RELL1: variants seen among roughly 807,000 people sequenced by gnomAD.
The protein encoded by RELL1 is RELT-like protein 1.
RELL1 carries 10 observed loss-of-function variants against 23.0 expected under a neutral mutation model. The observed-to-expected ratio is 0.43, with a 90% CI of 0.27 to 0.74. RELL1 has a LOEUF of 0.74. Ranked by LOEUF, RELL1 falls within the 30% of genes least tolerant of loss-of-function variation. The probability of loss-of-function intolerance (pLI) is 0.19; values close to 1 mark genes in which losing one functional copy is unlikely to be tolerated. For synonymous variants in RELL1, 146 were observed against 146.8 expected (o/e 0.99, Z 0.04); for missense variants, 315 against 364.4 (o/e 0.86, Z 1.10).
chr4:37,590,898 A>AGATGGG (rs1718572437), exon 7 of RELL1: 2 of 1,614,148 alleles, frequency 1.2e-6, no homozygotes. Context: ...GCTCCGATGG[A>AGATGGG]GATGGGGATG....
chr4:37,595,027 AC>A (rs1287824330), intron 6 of RELL1, among the ~76,000 whole-genome samples: 1 of 152,188 alleles, frequency 6.6e-6, no homozygotes, highest in African/African-American at 2.4e-5. Flanking sequence ...TATGACGAAA[AC>A]GTAGAAATTA....
chr4:37,652,411 C>T (rs1425426596), intron 1 of RELL1, among the ~76,000 whole-genome samples: 1 of 152,128 alleles, frequency 6.6e-6, no homozygotes, highest in East Asian at 1.9e-4. Flanking sequence ...AACCTCATGC[C>T]TTATTTTCAG....
At chr4:37,674,629 G>A (rs80147264) in intron 1 of RELL1, among the ~76,000 whole-genome samples, 5,819 of 152,268 alleles carry the variant, frequency 0.038, 145 homozygotes, top group Middle Eastern at 0.095. Context: ...AGGAAATTCC[G>A]GGCAGCTGTT....
intron 1 of RELL1, among the ~76,000 whole-genome samples, chr4:37,660,380 A>G (rs149935541): frequency 2.2e-3 from 337 of 152,208 alleles, no homozygotes; most frequent in African/African-American, 7.8e-3. Context: ...CTCTGGGCTG[A>G]CACTGCTGGA....
At chr4:37,605,891 GAA>G (rs1719201017), downstream of RELL1, among the ~76,000 whole-genome samples, 1 of 125,560 alleles carries the variant, frequency 8.0e-6, no homozygotes, top group African/African-American at 2.7e-5. Flanking sequence ...GAAAGAAAGA[GAA>G]AGAAAGGAAG....
chr4:37,648,539 T>A (rs1720786451), intron 2 of RELL1, among the ~76,000 whole-genome samples: 2 of 152,174 alleles, frequency 1.3e-5, no homozygotes, highest in South Asian at 4.1e-4. Flanking sequence ...TCAGGAAACA[T>A]CCCTAAAGAT....
chr4:37,607,127 CG>C (rs1295552091), downstream of RELL1, among the ~76,000 whole-genome samples: 4 of 152,066 alleles, frequency 2.6e-5, no homozygotes, highest in Non-Finnish European at 5.9e-5. Context: ...GTCAAGATCA[CG>C]AAACACAAGA....
At position 37,605,360 on chromosome 4, in the gene RELL1, A is replaced by T. The variant is rs11945311; in HGVS notation, c.*4-14143T>A. 3.8e-3 allele frequency among the ~76,000 whole-genome samples: 577 copies of T among 152,296 alleles called. 4 individuals are homozygous for T. Among genetic ancestry groups the T allele is most frequent in the African/African-American group, 0.013 (539 of 41,552 alleles). ...TAAACATCATTGTCCAATAAAAGGA[A>T]CCAGGGCTCCTTGGGTTAGTGGTTG... On this transcript the variant is annotated intron_variant, in intron 6 of 6. Transcript: ENST00000314117.
At chr4:37,632,915 T>G (rs577034395) in intron 5 of RELL1, among the ~76,000 whole-genome samples, 25 of 152,326 alleles carry the variant, frequency 1.6e-4, no homozygotes, top group Admixed American at 1.3e-3. Context: ...ATTCTCCTTC[T>G]GTGTCCAAAA....
intron 6 of RELL1, chr4:37,622,878 C>G (rs1175365258): frequency 2.2e-6 from 1 of 448,536 alleles, no homozygotes; most frequent in South Asian, 1.6e-5. Context: ...GATCTCGGCT[C>G]ACGGCAACCT....
intron 6 of RELL1, among the ~76,000 whole-genome samples, chr4:37,598,873 C>G (rs923225204): frequency 1.3e-5 from 2 of 152,062 alleles, no homozygotes; most frequent in African/African-American, 4.8e-5. Flanking sequence ...TTAGTAGAGA[C>G]AAGGTTTCAC....
intron 1 of RELL1, among the ~76,000 whole-genome samples, chr4:37,666,443 C>G (rs576165574): frequency 6.6e-6 from 1 of 152,292 alleles, no homozygotes; most frequent in South Asian, 2.1e-4. Flanking sequence ...TTTCCTCATC[C>G]ATAAAATAAT....
At chr4:37,643,011 T>C (rs1465446220) in intron 3 of RELL1, among the ~76,000 whole-genome samples, 2 of 152,214 alleles carry the variant, frequency 1.3e-5, no homozygotes, top group African/African-American at 4.8e-5. Flanking sequence ...ATAAAGTGTT[T>C]CCCTGAGTCC....
intron 3 of RELL1, among the ~76,000 whole-genome samples, chr4:37,644,093 C>T (rs544816476): frequency 5.9e-5 from 9 of 152,122 alleles, no homozygotes; most frequent in South Asian, 4.2e-4. Context: ...ATGGCACCTC[C>T]GGTATTGACT....
chr4:37,635,179 G>A lies in RELL1; in HGVS notation c.444-56C>T. On this transcript the variant is annotated intron_variant, in intron 4 of 6. Transcript: ENST00000454158. ...CTGGTTAAAGGAAATATCAGCGAAG[G>A]TGATCTCTCTCCCTGTGATGACAGA... is the stretch of plus-strand genomic sequence containing the variant. The A allele has an allele frequency of 3.0e-6, 4 of 1,340,322 alleles. No individual in the cohort carries two copies. In the South Asian group the frequency reaches 4.7e-5, roughly 16 times the overall value. The allele number at this position is 1,340,322 out of a possible 1,614,324, so 83.0% of individuals were successfully genotyped here. A position where few individuals can be genotyped will look rare whatever the true frequency, so the allele number is the denominator to read the frequency against.
intron 6 of RELL1, among the ~76,000 whole-genome samples, chr4:37,615,366 T>C (rs1719542291): frequency 6.6e-6 from 1 of 152,240 alleles, no homozygotes; most frequent in African/African-American, 2.4e-5. Flanking sequence ...TTCTGGTCTC[T>C]AATTACAAAC....
exon 7 of RELL1, chr4:37,590,936 T>C (rs943276610): frequency 3.7e-6 from 6 of 1,614,202 alleles, no homozygotes; most frequent in Non-Finnish European, 5.1e-6. Context: ...GATGCAGCGG[T>C]GGCGGAGGCC....
intron 6 of RELL1, among the ~76,000 whole-genome samples, chr4:37,628,806 T>C (rs1015995464): frequency 4.6e-5 from 7 of 152,250 alleles, no homozygotes; most frequent in Non-Finnish European, 8.8e-5. Flanking sequence ...TTTGCACCCA[T>C]GTCTTCTGAT....
At chr4:37,686,104 G>T in intron 1 of RELL1, 96 bp downstream of exon 1, 1 of 1,055,180 alleles carries the variant, frequency 9.5e-7, no homozygotes, top group Non-Finnish European at 1.4e-6. Flanking sequence ...CCAGAAAGCA[G>T]GACGCCGCGG....
Sources: allele counts gnomAD v4.1 joint callset (sites outside exome capture counted in the v4.1 genomes callset), GRCh38; gene constraint gnomAD v4.1.1; transcripts MANE v1.5; gene names NCBI Gene and HGNC (gene_info 2026-07-23, HGNC 2026-07-21).